The following ROBO2 variants were observed in gnomAD, a reference collection of about 807,000 sequenced individuals.
The protein encoded by ROBO2 is roundabout homolog 2.
Under a neutral mutation model 160.8 loss-of-function variants are expected in ROBO2, and 53 were observed. The observed-to-expected ratio is 0.33, with a 90% CI of 0.26 to 0.41. The LOEUF is 0.41. Ranked by LOEUF, ROBO2 falls within the 10% of genes least tolerant of loss-of-function variation. ROBO2 has a pLI of 1.00. For synonymous variants in ROBO2, 664 were observed against 611.7 expected (o/e 1.09, Z -1.26); for missense variants, 1,577 against 1,722.4 (o/e 0.92, Z 1.49).
At chr3:76,979,635 GA>G (rs1230817353) in intron 2 of ROBO2, among the ~76,000 whole-genome samples, 16 of 148,472 alleles carry the variant, frequency 1.1e-4, no homozygotes, top group African/African-American at 3.9e-4. Flanking sequence ...TGTTTGATAT[GA>G]TTTTTTTTTC....
intron 2 of ROBO2, among the ~76,000 whole-genome samples, chr3:76,558,631 T>A (rs972112276): frequency 1.3e-5 from 2 of 152,162 alleles, no homozygotes; most frequent in African/African-American, 4.8e-5. Context: ...AGGGTTTTTT[T>A]AGATGTTGTA....
chr3:77,492,426 C>T (rs1260438449), intron 4 of ROBO2, among the ~76,000 whole-genome samples: 2 of 152,072 alleles, frequency 1.3e-5, no homozygotes, highest in East Asian at 3.9e-4. Flanking sequence ...ACTTATTTTT[C>T]TCTAGCCTTA....
chr3:76,750,383 G>A (rs1284647254), intron 2 of ROBO2, among the ~76,000 whole-genome samples: 1 of 152,044 alleles, frequency 6.6e-6, no homozygotes, highest in East Asian at 1.9e-4. Flanking sequence ...TTGAAAACTG[G>A]CACAAGACAG....
chr3:76,277,926 TG>T (rs1233113019), intron 2 of ROBO2, among the ~76,000 whole-genome samples: 1 of 151,400 alleles, frequency 6.6e-6, no homozygotes, highest in Non-Finnish European at 1.5e-5. Flanking sequence ...TACAGTTTTT[TG>T]TTTTTTTTTT....
At chr3:76,219,060 G>A (rs1575942720) in intron 2 of ROBO2, among the ~76,000 whole-genome samples, 2 of 152,238 alleles carry the variant, frequency 1.3e-5, no homozygotes, top group African/African-American at 2.4e-5. Flanking sequence ...CAAGCAATGG[G>A]GAAAGGATTC....
chr3:76,503,643 T>C (rs951529141), intron 2 of ROBO2, among the ~76,000 whole-genome samples: 11 of 152,102 alleles, frequency 7.2e-5, no homozygotes, highest in Non-Finnish European at 1.5e-4. Flanking sequence ...GAAAATTTCG[T>C]GACAACACAG....
intron 4 of ROBO2, among the ~76,000 whole-genome samples, chr3:77,490,147 C>G (rs1229935178): frequency 1.4e-4 from 20 of 145,634 alleles, no homozygotes; most frequent in Middle Eastern, 3.5e-3. Context: ...GTCTCCCAGG[C>G]TGGAGTGCAG....
chr3:77,427,685 A>C (rs745377725), intron 2 of ROBO2, among the ~76,000 whole-genome samples: 1 of 152,120 alleles, frequency 6.6e-6, no homozygotes, highest in Non-Finnish European at 1.5e-5. Context: ...TCATAAAACA[A>C]TTTTCCCAAG....
intron 2 of ROBO2, among the ~76,000 whole-genome samples, chr3:76,543,114 A>G (rs2082904610): frequency 6.6e-6 from 1 of 152,146 alleles, no homozygotes; most frequent in Non-Finnish European, 1.5e-5. Context: ...CACAGCTGAT[A>G]ATTCACAAAT....
In ROBO2 at chr3:77,505,933, G is replaced by A. The variant is rs1358928503; in HGVS notation, c.806+12551G>A. 2.0e-5 allele frequency among the ~76,000 whole-genome samples: 3 copies of A among 152,158 alleles called. No individual in the cohort carries two copies. The East Asian group carries it at 5.8e-4, about 29-fold the overall frequency. ...GGCATAAACTAATTTTATTTTAAGG[G>A]CTCACTGGCTTTCTGCTTAGTGGCT... On this transcript the variant is annotated intron_variant, in intron 5 of 25. Coordinates refer to ENST00000461745, the Ensembl canonical transcript of ROBO2.
At chr3:76,145,194 C>A (rs2071839040) in intron 2 of ROBO2, among the ~76,000 whole-genome samples, 1 of 151,958 alleles carries the variant, frequency 6.6e-6, no homozygotes, top group African/African-American at 2.4e-5. Flanking sequence ...AAAAAGCCTT[C>A]TAACCTTGGA....
Position 77,381,432 on chromosome 3 carries a change from C to T in ROBO2, c.389-95982C>T, listed in dbSNP as rs192568100. On this transcript the variant is annotated intron_variant, in intron 2 of 25. Transcript: ENST00000461745. ...AGTCCACAAAGCCATGATCAGATTT[C>T]CAGTCTCTTGAGCCTAGCTTAGATC... 3.3e-3 allele frequency among the ~76,000 whole-genome samples: 510 copies of T among 152,276 alleles called. 3 individuals carry two copies. The highest frequency in any genetic ancestry group is 5.3e-3 in the Non-Finnish European group (358 of 68,030).
At chr3:76,409,291 AT>A (rs1200978435) in intron 2 of ROBO2, among the ~76,000 whole-genome samples, 2 of 152,034 alleles carry the variant, frequency 1.3e-5, no homozygotes, top group Non-Finnish European at 2.9e-5. Context: ...TTCAGAAACA[AT>A]TTTTTTCCTT....
At chr3:76,576,880 G>C (rs2108664285) in intron 2 of ROBO2, among the ~76,000 whole-genome samples, 1 of 151,234 alleles carries the variant, frequency 6.6e-6, no homozygotes, top group African/African-American at 2.4e-5. Context: ...TAATTATTCT[G>C]ACTAAATCTG....
At chr3:77,292,973 C>G (rs2061498253) in intron 2 of ROBO2, among the ~76,000 whole-genome samples, 1 of 147,932 alleles carries the variant, frequency 6.8e-6, no homozygotes, top group Admixed American at 6.8e-5. Context: ...TCACCAAAGA[C>G]ATTAAGTAAA....
intron 1 of ROBO2, among the ~76,000 whole-genome samples, chr3:77,060,436 A>T (rs575886628): frequency 2.0e-5 from 3 of 152,314 alleles, no homozygotes; most frequent in African/African-American, 7.2e-5. Context: ...TATTTCATTG[A>T]TATTTACCTA....
chr3:76,602,629 G>A (rs1382294589), intron 2 of ROBO2, among the ~76,000 whole-genome samples: 2 of 152,184 alleles, frequency 1.3e-5, no homozygotes, highest in East Asian at 3.9e-4. Flanking sequence ...GCACAGGAAA[G>A]ACCCGTCCCC....
intron 2 of ROBO2, among the ~76,000 whole-genome samples, chr3:76,761,839 C>T (rs1473150269): frequency 6.6e-6 from 1 of 151,596 alleles, no homozygotes; most frequent in African/African-American, 2.4e-5. Flanking sequence ...TCCTCTTCTA[C>T]CATGTGAGGA....
intron 2 of ROBO2, among the ~76,000 whole-genome samples, chr3:77,408,961 T>C (rs2076479316): frequency 6.6e-6 from 1 of 151,976 alleles, no homozygotes; most frequent in South Asian, 2.1e-4. Flanking sequence ...CTCAAACTCA[T>C]GGCTTCAAGT....
Sources: gnomAD v4.1 joint callset for allele counts (sites outside exome capture counted in the v4.1 genomes callset) on GRCh38, gnomAD v4.1.1 for gene constraint, MANE v1.5 for transcripts, NCBI Gene and HGNC (gene_info 2026-07-23, HGNC 2026-07-21) for gene names.